Variants in GLP2R observed in about 807,000 individuals in gnomAD.
The protein encoded by GLP2R is glucagon like peptide 2 receptor, also known as glucagon-like peptide 2 receptor.
Under a neutral mutation model 68.2 loss-of-function variants are expected in GLP2R, and 59 were observed. The ratio of observed to expected loss-of-function variants is 0.87; its 90% CI spans 0.70 to 1.07. The LOEUF (loss-of-function observed/expected upper bound fraction) is 1.07, where lower values mean the gene tolerates loss of function less well. Among genes scored for constraint, GLP2R ranks in the 50% least tolerant of loss-of-function variants. The probability of loss-of-function intolerance (pLI) is 0.00; values close to 1 mark genes in which losing one functional copy is unlikely to be tolerated. For synonymous variants in GLP2R, 270 were observed against 265.4 expected (o/e 1.02, Z -0.17); for missense variants, 548 against 677.4 (o/e 0.81, Z 2.12).
In GLP2R at chr17:9,828,637, G is replaced by A. The variant is rs551959212; in HGVS notation, c.189+2385G>A. Reference sequence around the variant, plus strand: ...TCAGAGGAGTTAAATGGTTGCGTTCGATGCTGTAGCTCCTGAGCACTGTAG... The same window carrying A: ...TCAGAGGAGTTAAATGGTTGCGTTCAATGCTGTAGCTCCTGAGCACTGTAG... On this transcript the variant is annotated intron_variant, in intron 1 of 12. Coordinates refer to ENST00000262441, the MANE Select transcript of GLP2R (RefSeq NM_004246.3). 5.1e-4 allele frequency among the ~76,000 whole-genome samples: 77 copies of A among 152,306 alleles called. 1 individual carries two copies. The Middle Eastern group carries it at 0.02, about 40-fold the overall frequency.
intron 3 of GLP2R, among the ~76,000 whole-genome samples, chr17:9,837,960 CAGAG>C (rs149668360): frequency 4.0e-5 from 6 of 150,922 alleles, no homozygotes; most frequent in African/African-American, 9.7e-5. Context: ...GCCTCTAGAG[CAGAG>C]AGAGAGAGAG....
chr17:9,889,181 C>T (rs2067268572), intron 12 of GLP2R, among the ~76,000 whole-genome samples, 189 bp from the exon 13 acceptor site: 1 of 152,174 alleles, frequency 6.6e-6, no homozygotes, highest in Admixed American at 6.5e-5. Flanking sequence ...CCGTATTGTC[C>T]TGCTTAGTAC....
intron 10 of GLP2R, among the ~76,000 whole-genome samples, chr17:9,876,544 C>A (rs2152046430): frequency 6.6e-6 from 1 of 152,272 alleles, no homozygotes; most frequent in Middle Eastern, 3.4e-3. Context: ...ATTGTGTCTT[C>A]AGAAATAAGG....
chr17:9,831,263 A>G (rs1433473558), intron 1 of GLP2R, among the ~76,000 whole-genome samples: 1 of 152,196 alleles, frequency 6.6e-6, no homozygotes, highest in African/African-American at 2.4e-5. Context: ...AGCCCAGATC[A>G]TTTACTGAAC....
At chr17:9,885,561 C>T (rs777612936) in intron 11 of GLP2R, among the ~76,000 whole-genome samples, 2 of 151,916 alleles carry the variant, frequency 1.3e-5, no homozygotes, top group Non-Finnish European at 2.9e-5. Context: ...GCTCAGGGGG[C>T]CTCAGTTCTC....
chr17:9,881,876 C>A (rs1292517759), intron 11 of GLP2R, among the ~76,000 whole-genome samples: 2 of 152,096 alleles, frequency 1.3e-5, no homozygotes, highest in Non-Finnish European at 2.9e-5. Context: ...CAGCGCAGGT[C>A]TTCATAGAGT....
intron 4 of GLP2R, among the ~76,000 whole-genome samples, chr17:9,843,390 A>T (rs943369443): frequency 6.6e-6 from 1 of 152,136 alleles, no homozygotes; most frequent in Non-Finnish European, 1.5e-5. Context: ...TTCCTCATTC[A>T]TGCCACAGGG....
intron 9 of GLP2R, chr17:9,866,300 C>T (rs531734051): frequency 1.7e-4 from 31 of 181,188 alleles, no homozygotes; most frequent in African/African-American, 7.3e-4. Flanking sequence ...AGATTCTGAC[C>T]CCTGGGGACA....
At chr17:9,856,390 GA>G (rs67835263) in intron 5 of GLP2R, among the ~76,000 whole-genome samples, 6,411 of 152,222 alleles carry the variant, frequency 0.042, 464 homozygotes, top group African/African-American at 0.14. Flanking sequence ...TAAATCCTAA[GA>G]CACAAGAACC....
intron 4 of GLP2R, among the ~76,000 whole-genome samples, chr17:9,843,440 T>TC (rs757705387): frequency 6.6e-6 from 1 of 152,198 alleles, no homozygotes; most frequent in Non-Finnish European, 1.5e-5. Context: ...GATTTAGTCA[T>TC]CAGACATCAG....
chr17:9,864,506 GTTTGTTTGTTTTGTT>G (rs752704838), intron 9 of GLP2R, among the ~76,000 whole-genome samples: 1 of 146,774 alleles, frequency 6.8e-6, no homozygotes, highest in Admixed American at 6.7e-5. Context: ...TTGTTTGTTT[GTTTGTTTGTTTTGTT>G]TTTTGTTTTT....
rs71139004 is a variant in GLP2R at position 9,844,668 on chromosome 17, C to CTTTTTTTTTTTTT, written c.504+2078_504+2090dup. Among the ~76,000 whole-genome samples, 80 of 44,314 alleles carry CTTTTTTTTTTTTT rather than the reference C, an allele frequency of 1.8e-3. 30 individuals carry two copies. Among genetic ancestry groups the CTTTTTTTTTTTTT allele is most frequent in the Non-Finnish European group, 2.8e-3 (59 of 21,402 alleles). The allele number at this position is 44,314 out of a possible 152,430, so 29.1% of individuals were successfully genotyped here. A position where few individuals can be genotyped will look rare whatever the true frequency, so the allele number is the denominator to read the frequency against. On this transcript the variant is annotated intron_variant, in intron 4 of 12. Transcript: ENST00000262441. Reference sequence around the variant, plus strand: ...ATTCTCAATATTTTACTACCTAATTCTTTTTTTTTTTTTTTTTTTTTTTTT... The same window carrying CTTTTTTTTTTTTT: ...ATTCTCAATATTTTACTACCTAATTCTTTTTTTTTTTTTTTTTTTTTTTTTTTTTTTTTTTTTT...
chr17:9,835,385 T>C (rs12950072), intron 2 of GLP2R, among the ~76,000 whole-genome samples: 101 of 152,256 alleles, frequency 6.6e-4, no homozygotes, highest in Non-Finnish European at 1.3e-3. Context: ...AATACTTCCA[T>C]TTGATTCCAG....
chr17:9,862,075 G>A lies in GLP2R; in HGVS notation c.1041G>A (p.Met347Ile), dbSNP rs1156271624. The A allele has an allele frequency of 6.2e-7, 1 of 1,612,958 alleles. No individual in the cohort carries two copies. The highest frequency in any genetic ancestry group is 1.3e-5 in the African/African-American group (1 of 75,020). ...KKIWWIIRGP[M>I]MLCVTVNFFI... is the part of the protein sequence containing the mutation. ...TCTGGTGGATCATCCGAGGACCCATGATGCTCTGTGTAACAGTAAGGACCA... is the reference window on the plus strand; with the variant it reads ...TCTGGTGGATCATCCGAGGACCCATAATGCTCTGTGTAACAGTAAGGACCA... The change falls in exon 9 of 13, where the codon ATG becomes ATA. Residue 347 changes from methionine (M) to isoleucine (I), a missense_variant. Transcript: ENST00000262441.
At chr17:9,857,678 T>C (rs530547212) in intron 6 of GLP2R, 102 bp downstream of exon 6, 3 of 1,130,786 alleles carry the variant, frequency 2.7e-6, no homozygotes, top group Non-Finnish European at 3.9e-6. Context: ...CAGCGGGAGA[T>C]AAGAGGGTTT....
chr17:9,862,715 C>G (rs2066997857), intron 9 of GLP2R, among the ~76,000 whole-genome samples: 1 of 152,144 alleles, frequency 6.6e-6, no homozygotes. Context: ...AGAAAGTTAG[C>G]AAACACTGGG....
At position 9,871,721 on chromosome 17, in the gene GLP2R, CTTTTT is replaced by C. The variant is rs372099240; in HGVS notation, c.1145+904_1145+908del. Among the ~76,000 whole-genome samples the C allele has an allele frequency of 7.5e-3, 767 of 102,314 alleles. 5 individuals are homozygous for C. Among genetic ancestry groups the C allele is most frequent in the South Asian group, 0.024 (72 of 2,994 alleles). The allele number at this position is 102,314 out of a possible 152,430, so 67.1% of individuals were successfully genotyped here. On this transcript the variant is annotated intron_variant, in intron 10 of 12. Coordinates refer to ENST00000262441, the MANE Select transcript of GLP2R (RefSeq NM_004246.3). Reference sequence around the variant, plus strand: ...TTCCTAGTTATTCTTTACTTTCTTTCTTTTTTTTTTTTTTTTTTTTTTGACAGAGT... The same window carrying C: ...TTCCTAGTTATTCTTTACTTTCTTTCTTTTTTTTTTTTTTTTTGACAGAGT...
chr17:9,867,319 C>G (rs1011492427), intron 9 of GLP2R, among the ~76,000 whole-genome samples: 2 of 152,232 alleles, frequency 1.3e-5, no homozygotes, highest in Non-Finnish European at 2.9e-5. Flanking sequence ...CATTTGCTGA[C>G]CAGCATCTGG....
intron 9 of GLP2R, among the ~76,000 whole-genome samples, chr17:9,867,784 A>G (rs537304784): frequency 9.2e-5 from 14 of 152,204 alleles, no homozygotes; most frequent in Non-Finnish European, 1.6e-4. Context: ...ATGAAATCAT[A>G]AAGTCAAAAG....
Sources: allele counts gnomAD v4.1 joint callset (sites outside exome capture counted in the v4.1 genomes callset), GRCh38; gene constraint gnomAD v4.1.1; transcripts MANE v1.5; gene names NCBI Gene and HGNC (gene_info 2026-07-23, HGNC 2026-07-21).